Variants in ABR observed in about 807,000 individuals in gnomAD.
ABR encodes ABR activator of RhoGEF and GTPase.
Under a neutral mutation model 107.2 loss-of-function variants are expected in ABR, and 35 were observed. That is an observed-to-expected ratio of 0.33 (90% CI 0.25 to 0.43). The LOEUF (loss-of-function observed/expected upper bound fraction) is 0.43, where lower values mean the gene tolerates loss of function less well. Ranked by LOEUF, ABR falls within the 20% of genes least tolerant of loss-of-function variation. ABR has a pLI of 1.00. For synonymous variants in ABR, 498 were observed against 462.0 expected (o/e 1.08, Z -1.00); for missense variants, 815 against 1,115.2 (o/e 0.73, Z 3.83).
rs2041110382 is a variant in ABR at position 1,157,851 on chromosome 17, C to T, written c.61+21816G>A. 6.6e-6 allele frequency among the ~76,000 whole-genome samples: 1 copy of T among 152,204 alleles called. No homozygotes were observed. Among genetic ancestry groups the T allele is most frequent in the African/African-American group, 2.4e-5 (1 of 41,456 alleles). On this transcript the variant is annotated intron_variant, in intron 1 of 22. Transcript: ENST00000302538. The surrounding 1 kb of genome is among the most constrained non-coding windows in gnomAD (Gnocchi z 4.7). ...ACTCAGCCCCGTATCATTCATGCTG[C>T]AGGTCAGCCTAGGAAGGGATCGTGC...
chr17:1,193,361 G>A (rs910773271), intron 1 of ABR, among the ~76,000 whole-genome samples: 1 of 150,718 alleles, frequency 6.6e-6, no homozygotes, highest in South Asian at 2.1e-4. Context: ...CCCGAGCATC[G>A]CCAGTATTTA....
chr17:1,213,911 C>T (rs1187350610), intron 1 of ABR, among the ~76,000 whole-genome samples: 1 of 151,304 alleles, frequency 6.6e-6, no homozygotes, highest in African/African-American at 2.4e-5. Context: ...TTTTTGAGAC[C>T]GAGTCTCGCC....
chr17:1,144,148 AC>A (rs1260658824), intron 1 of ABR, among the ~76,000 whole-genome samples: 14 of 152,146 alleles, frequency 9.2e-5, no homozygotes, highest in Non-Finnish European at 1.8e-4. Flanking sequence ...GGCAGAGGGA[AC>A]TAAAATTCCT....
chr17:1,196,346 C>G (rs2042564818), intron 1 of ABR, among the ~76,000 whole-genome samples: 1 of 152,052 alleles, frequency 6.6e-6, no homozygotes, highest in African/African-American at 2.4e-5. Context: ...AGGAGAATCA[C>G]TTGAACCCAG....
At chr17:1,167,195 G>C (rs1460131334) in intron 1 of ABR, among the ~76,000 whole-genome samples, 1 of 152,024 alleles carries the variant, frequency 6.6e-6, no homozygotes, top group Non-Finnish European at 1.5e-5. Context: ...GATGTCTCCA[G>C]TATCCCCTTC....
At chr17:1,061,512 T>C (rs1342889523) in intron 10 of ABR, among the ~76,000 whole-genome samples, 1 of 151,514 alleles carries the variant, frequency 6.6e-6, no homozygotes, top group Non-Finnish European at 1.5e-5. Context: ...GGCCATCTGG[T>C]TATGTTTTCT....
At chr17:1,112,843 C>T (rs1051371043) in intron 2 of ABR, among the ~76,000 whole-genome samples, 2 of 152,210 alleles carry the variant, frequency 1.3e-5, no homozygotes, top group Non-Finnish European at 2.9e-5. Context: ...TCTTCCCCCA[C>T]ACCCACCCTC....
chr17:1,080,069 C>T (rs2036107897), intron 5 of ABR, among the ~76,000 whole-genome samples: 1 of 152,070 alleles, frequency 6.6e-6, no homozygotes, highest in Non-Finnish European at 1.5e-5. Flanking sequence ...GCGCCAGGTA[C>T]TCCAGCCAAT....
chr17:1,045,428 CCG>C (rs1213195262), intron 16 of ABR, among the ~76,000 whole-genome samples: 12 of 151,426 alleles, frequency 7.9e-5, no homozygotes, highest in African/African-American at 1.7e-4. Flanking sequence ...GGACAATCTT[CCG>C]TCTTCTTACA....
chr17:1,180,273 G>A (rs929125546), upstream of ABR, among the ~76,000 whole-genome samples: 1 of 152,140 alleles, frequency 6.6e-6, no homozygotes, highest in East Asian at 1.9e-4. Flanking sequence ...AGGTGCCGTG[G>A]GGGGCCCGGG....
At position 1,079,393 on chromosome 17, in the gene ABR, G is replaced by A; in HGVS notation, c.640-3C>T. On this transcript the variant is annotated splice_region_variant and splice_polypyrimidine_tract_variant and intron_variant, in intron 5 of 22. Coordinates refer to ENST00000302538, the MANE Select transcript of ABR (RefSeq NM_021962.5). ...TTGGGACCTTTCACTTTGAGTTCCT[G>A]CCAAAGGGAGGAGAGGAGTCATGGC... The A allele has an allele frequency of 1.2e-6, 2 of 1,612,486 alleles. No individual in the cohort carries two copies. Among genetic ancestry groups the A allele is most frequent in the Non-Finnish European group, 1.7e-6 (2 of 1,179,150 alleles).
chr17:1,055,270 A>C (rs1354228877), intron 14 of ABR: 4 of 152,210 alleles, frequency 2.6e-5, no homozygotes, highest in African/African-American at 4.8e-5. Context: ...AAACAGATTT[A>C]GTATGAGGAA....
chr17:1,012,130 G>C (rs928441980), intron 18 of ABR, 145 bp from the exon 19 acceptor site: 1 of 1,305,706 alleles, frequency 7.7e-7, no homozygotes, highest in South Asian at 1.2e-5. Context: ...GGCAGAGAAA[G>C]AGGCCACCGC....
chr17:1,109,342 A>G (rs2038504362), intron 2 of ABR, among the ~76,000 whole-genome samples: 1 of 151,642 alleles, frequency 6.6e-6, no homozygotes, highest in Admixed American at 6.6e-5. Context: ...AACCCGCCGC[A>G]CAGCAGCCCA....
chr17:1,125,255 C>T lies in ABR; in HGVS notation c.174G>A (p.Pro58=), dbSNP rs372578035. The change falls in exon 2 of 23, where the codon CCG becomes CCA. Residue 58 remains proline, a synonymous_variant. Coordinates refer to ENST00000302538, the MANE Select transcript of ABR (RefSeq NM_021962.5). ...CGCCCTGGCTGCGGGCGCTGAGCTG[C>T]GGGGACATGGTGGGCGACTCATCGA... ...PYIDESPTMS[P]QLSARSQGGG... is the part of the protein sequence containing the mutation. 1.7e-5 allele frequency: 28 copies of T among 1,612,934 alleles called. No individual in the cohort carries two copies. Among genetic ancestry groups the T allele is most frequent in the African/African-American group, 1.6e-4 (12 of 74,856 alleles).
chr17:1,167,784 C>T (rs996770360), intron 1 of ABR, among the ~76,000 whole-genome samples: 1 of 152,238 alleles, frequency 6.6e-6, no homozygotes, highest in Non-Finnish European at 1.5e-5. Context: ...CTCCCTCGTG[C>T]CTCTAAGGAG....
intron 6 of ABR, among the ~76,000 whole-genome samples, chr17:1,075,825 T>G (rs915435173): frequency 6.6e-6 from 1 of 152,206 alleles, no homozygotes; most frequent in Non-Finnish European, 1.5e-5. Context: ...GTGGATCATT[T>G]GAGGTCAGGA....
chr17:1,079,012 A>C, intron 6 of ABR: 1 of 1,045,412 alleles, frequency 9.6e-7, no homozygotes, highest in Admixed American at 4.2e-5. Context: ...AGCAAGGGGG[A>C]GGGGAGGGAG....
chr17:1,042,609 A>G (rs2030809650), intron 16 of ABR, among the ~76,000 whole-genome samples: 1 of 142,398 alleles, frequency 7.0e-6, no homozygotes, highest in African/African-American at 2.6e-5. Flanking sequence ...GGATGGACGA[A>G]GAGACGTGGC....
Sources: gnomAD v4.1 joint callset for allele counts (sites outside exome capture counted in the v4.1 genomes callset) on GRCh38, gnomAD v4.1.1 for gene constraint, Gnocchi (gnomAD v3.1) non-coding constraint, MANE v1.5 for transcripts, NCBI Gene and HGNC (gene_info 2026-07-23, HGNC 2026-07-21) for gene names.